Variants in PDE1A observed in about 807,000 individuals in gnomAD.
PDE1A encodes phosphodiesterase 1A, also known as dual specificity calcium/calmodulin-dependent 3',5'-cyclic nucleotide phosphodiesterase 1A.
A neutral mutation model predicts 61.7 loss-of-function variants in PDE1A; 35 were observed. That is an observed-to-expected ratio of 0.57 (90% CI 0.43 to 0.75). PDE1A has a LOEUF of 0.75. Ranked by LOEUF, PDE1A falls within the 30% of genes least tolerant of loss-of-function variation. The pLI is 0.00. For synonymous variants in PDE1A, 232 were observed against 213.2 expected (o/e 1.09, Z -0.77); for missense variants, 597 against 630.6 (o/e 0.95, Z 0.57).
At chr2:182,549,613 C>T in the PDE1A span, among the ~76,000 whole-genome samples, 1 of 152,064 alleles carries the variant, frequency 6.6e-6, no homozygotes, top group Non-Finnish European at 1.5e-5. Flanking sequence ...TGTTACAAAT[C>T]ATTCACTATA....
intron 1 of PDE1A, among the ~76,000 whole-genome samples, chr2:182,417,635 G>GA (rs1046177462): frequency 3.3e-5 from 5 of 151,956 alleles, no homozygotes; most frequent in Admixed American, 2.0e-4. Flanking sequence ...AAAAATGAAA[G>GA]AAAAAAATAG....
downstream of PDE1A, chr2:182,167,814 T>C (rs531466141): frequency 3.3e-4 from 208 of 635,368 alleles, 2 homozygotes; most frequent in Non-Finnish European, 3.8e-4. Context: ...AATGGTAGAA[T>C]TAATGTAAAA....
intron 2 of PDE1A, among the ~76,000 whole-genome samples, chr2:182,467,345 T>C (rs1041085947): frequency 6.6e-6 from 1 of 151,900 alleles, no homozygotes; most frequent in African/African-American, 2.4e-5. Flanking sequence ...TTCCTAAATA[T>C]CACATGAAGA....
At chr2:182,241,647 C>T (rs1368990776) in intron 2 of PDE1A, among the ~76,000 whole-genome samples, 2 of 152,090 alleles carry the variant, frequency 1.3e-5, no homozygotes, top group African/African-American at 4.8e-5. Context: ...AAGTCATTTG[C>T]CAATATTTAT....
At chr2:182,609,421 C>T in the PDE1A span, among the ~76,000 whole-genome samples, 8 of 152,212 alleles carry the variant, frequency 5.3e-5, no homozygotes, top group African/African-American at 1.2e-4. Context: ...TTCTTTTGCT[C>T]TTTGCAATAA....
At chr2:182,672,172 CTAGT>C in the PDE1A span, among the ~76,000 whole-genome samples, 13 of 152,202 alleles carry the variant, frequency 8.5e-5, no homozygotes, top group East Asian at 2.3e-3. Flanking sequence ...AAAATACTGG[CTAGT>C]TAAACACTTG....
At chr2:182,487,735 T>C (rs752238939) in intron 2 of PDE1A, among the ~76,000 whole-genome samples, 3 of 152,136 alleles carry the variant, frequency 2.0e-5, no homozygotes, top group Non-Finnish European at 2.9e-5. Context: ...CTCTAAAAAT[T>C]TTTTGAAAAT....
At chr2:182,409,109 T>A (rs1431649146) in intron 1 of PDE1A, among the ~76,000 whole-genome samples, 1 of 152,190 alleles carries the variant, frequency 6.6e-6, no homozygotes, top group Non-Finnish European at 1.5e-5. Flanking sequence ...TCTCCCCTAA[T>A]AATGCTGGGC....
the PDE1A span, among the ~76,000 whole-genome samples, chr2:182,644,237 T>C: frequency 6.9e-6 from 1 of 144,392 alleles, no homozygotes; most frequent in Non-Finnish European, 1.5e-5. Flanking sequence ...TTACTTCCGA[T>C]GTCTCCAGGT....
At chr2:182,537,546 T>A in the PDE1A span, among the ~76,000 whole-genome samples, 1 of 151,914 alleles carries the variant, frequency 6.6e-6, no homozygotes, top group African/African-American at 2.4e-5. Flanking sequence ...ATACCTAATG[T>A]AGATGACAGG....
chr2:182,599,159 CT>C, the PDE1A span, among the ~76,000 whole-genome samples: 3 of 152,170 alleles, frequency 2.0e-5, no homozygotes, highest in Non-Finnish European at 4.4e-5. Flanking sequence ...AAGGCCCCCC[CT>C]ACCCTCACAG....
rs538062105 is a variant in PDE1A, at chr2:182,336,810, T to C, written c.54-72396A>G. 1.2e-4 allele frequency among the ~76,000 whole-genome samples: 18 copies of C among 151,122 alleles called. 1 individual carries two copies. In the South Asian group the frequency reaches 3.3e-3, roughly 28 times the overall value. ...ATGAGAGTTGAACAATGAGAACACA[T>C]GGACACAGAGAGGGGAACAACACAC... On this transcript the variant is annotated intron_variant, in intron 1 of 13. Coordinates refer to ENST00000351439, the Ensembl canonical transcript of PDE1A.
chr2:182,312,432 G>A (rs1402580726), intron 1 of PDE1A, among the ~76,000 whole-genome samples: 1 of 151,918 alleles, frequency 6.6e-6, no homozygotes, highest in Non-Finnish European at 1.5e-5. Flanking sequence ...TATAGTTTTA[G>A]GCTTTACATT....
intron 2 of PDE1A, among the ~76,000 whole-genome samples, chr2:182,482,816 A>G (rs1687787133): frequency 6.6e-6 from 1 of 151,974 alleles, no homozygotes; most frequent in Admixed American, 6.6e-5. Flanking sequence ...CATGTGAGTT[A>G]GAGAAAGCAA....
intron 2 of PDE1A, chr2:182,241,985 A>T: frequency 6.8e-7 from 1 of 1,466,626 alleles, no homozygotes; most frequent in Non-Finnish European, 9.0e-7. Flanking sequence ...CACTACTTTA[A>T]AGATAATGCC....
At chr2:182,376,187 C>T (rs13421087) in intron 1 of PDE1A, among the ~76,000 whole-genome samples, 1,752 of 152,314 alleles carry the variant, frequency 0.012, 36 homozygotes, top group African/African-American at 0.039. Flanking sequence ...TTGGATTTCT[C>T]CTCAGAAAAT....
the PDE1A span, among the ~76,000 whole-genome samples, chr2:182,634,073 G>A: frequency 6.6e-6 from 1 of 151,256 alleles, no homozygotes; most frequent in Non-Finnish European, 1.5e-5. Context: ...CTGGATGACA[G>A]AGCAAGACTC....
chr2:182,377,928 C>A (rs1343899967), intron 1 of PDE1A, among the ~76,000 whole-genome samples: 3 of 151,876 alleles, frequency 2.0e-5, no homozygotes, highest in African/African-American at 7.3e-5. Flanking sequence ...TCACTGCAGG[C>A]TCCTCCCCGC....
chr2:182,485,069 T>C (rs367683495), intron 2 of PDE1A, among the ~76,000 whole-genome samples: 1 of 151,998 alleles, frequency 6.6e-6, no homozygotes, highest in Admixed American at 6.6e-5. Flanking sequence ...GGCAAGCAAA[T>C]GTTCACTGTA....
Sources: allele counts gnomAD v4.1 joint callset (sites outside exome capture counted in the v4.1 genomes callset), GRCh38; gene constraint gnomAD v4.1.1; transcripts MANE v1.5; gene names NCBI Gene and HGNC (gene_info 2026-07-23, HGNC 2026-07-21).